The following ADAMTSL1 variants were observed in gnomAD, a reference collection of about 807,000 sequenced individuals.
ADAMTSL1 encodes the protein ADAMTS like 1.
In ADAMTSL1, 126 loss-of-function variants were observed where a neutral mutation model predicts 201.8. The observed-to-expected ratio is 0.62, with a 90% CI of 0.54 to 0.72. The LOEUF is 0.72. Ranked by LOEUF, ADAMTSL1 falls within the 30% of genes least tolerant of loss-of-function variation. The probability of loss-of-function intolerance (pLI) is 0.00; values close to 1 mark genes in which losing one functional copy is unlikely to be tolerated. For synonymous variants in ADAMTSL1, 1,121 were observed against 903.4 expected (o/e 1.24, Z -4.32); for missense variants, 2,679 against 2,277.8 (o/e 1.18, Z -3.59).
At position 18,642,051 on chromosome 9, in the gene ADAMTSL1, G is replaced by T. The variant is rs141725123; in HGVS notation, c.834+2640G>T. 5.3e-5 allele frequency among the ~76,000 whole-genome samples: 8 copies of T among 152,048 alleles called. No individual in the cohort carries two copies. In the East Asian group the frequency reaches 1.4e-3, roughly 26 times the overall value. On this transcript the variant is annotated intron_variant, in intron 7 of 28. Transcript: ENST00000380548. ...AAAATAGCATCATCCTTGAGATGGG[G>T]TCATTACCCTGGTGATCTGGTGGTA...
intron 20 of ADAMTSL1, among the ~76,000 whole-genome samples, chr9:18,812,046 A>G (rs1157138632): frequency 1.3e-5 from 2 of 152,218 alleles, no homozygotes; most frequent in Non-Finnish European, 2.9e-5. Context: ...TACATGTTTA[A>G]TCTAATTCCT....
At chr9:18,601,100 A>G (rs575391898) in intron 4 of ADAMTSL1, among the ~76,000 whole-genome samples, 1 of 152,318 alleles carries the variant, frequency 6.6e-6, no homozygotes, top group Admixed American at 6.5e-5. Flanking sequence ...CTCTGGGAAT[A>G]CATTTCCTAA....
intron 2 of ADAMTSL1, among the ~76,000 whole-genome samples, chr9:18,392,493 A>G (rs1465641040): frequency 6.6e-6 from 1 of 152,208 alleles, no homozygotes; most frequent in Non-Finnish European, 1.5e-5. Context: ...CGTGCTCTGC[A>G]AACCTGCTAC....
At chr9:18,728,524 C>T (rs942562218) in intron 15 of ADAMTSL1, among the ~76,000 whole-genome samples, 2 of 152,052 alleles carry the variant, frequency 1.3e-5, no homozygotes, top group East Asian at 1.9e-4. Flanking sequence ...TTGGTTGTCA[C>T]GGATAACGAG....
At chr9:18,692,539 G>A (rs967715073) in intron 13 of ADAMTSL1, among the ~76,000 whole-genome samples, 3 of 152,130 alleles carry the variant, frequency 2.0e-5, no homozygotes, top group Non-Finnish European at 4.4e-5. Context: ...CCAAAATAAA[G>A]TATGCACCCT....
chr9:18,043,982 G>A (rs548131831), intron 1 of ADAMTSL1, among the ~76,000 whole-genome samples: 9 of 146,352 alleles, frequency 6.1e-5, no homozygotes, highest in African/African-American at 2.3e-4. Flanking sequence ...TCATGGATGC[G>A]TGCCTTCCCA....
At chr9:18,179,959 T>C (rs1457596103) in intron 2 of ADAMTSL1, among the ~76,000 whole-genome samples, 1 of 148,118 alleles carries the variant, frequency 6.8e-6, no homozygotes, top group East Asian at 2.0e-4. Context: ...AGGAAGAAAC[T>C]GCATCAACTA....
At chr9:18,432,258 C>T (rs537730534) in intron 2 of ADAMTSL1, among the ~76,000 whole-genome samples, 2 of 152,262 alleles carry the variant, frequency 1.3e-5, no homozygotes, top group East Asian at 1.9e-4. Context: ...TTTCACATAT[C>T]TCTTTATATT....
chr9:18,310,985 A>C lies in ADAMTSL1; in HGVS notation c.207+147004A>C, dbSNP rs140097555. 1.5e-3 allele frequency among the ~76,000 whole-genome samples: 228 copies of C among 152,282 alleles called. 1 individual carries two copies. In the East Asian group the frequency reaches 0.034, roughly 23 times the overall value. ...CCCATCAGTGATAGACTGGATTAAG[A>C]AAATGTGGCACATATACACCATGGA... is the stretch of plus-strand genomic sequence containing the variant. On this transcript the variant is annotated intron_variant, in intron 2 of 29. Coordinates refer to the ADAMTSL1 transcript ENST00000680146.
At chr9:18,197,868 C>T (rs1244340413) in intron 2 of ADAMTSL1, among the ~76,000 whole-genome samples, 1 of 151,936 alleles carries the variant, frequency 6.6e-6, no homozygotes, top group Non-Finnish European at 1.5e-5. Flanking sequence ...TACTACAAGG[C>T]TACAGTAACG....
At chr9:18,272,651 G>C (rs932850917) in intron 2 of ADAMTSL1, among the ~76,000 whole-genome samples, 3 of 152,180 alleles carry the variant, frequency 2.0e-5, no homozygotes, top group Non-Finnish European at 2.9e-5. Context: ...GGATTTCTAA[G>C]AGAAGGCACA....
intron 1 of ADAMTSL1, among the ~76,000 whole-genome samples, chr9:17,974,729 A>C (rs1818368996): frequency 6.6e-6 from 1 of 152,030 alleles, no homozygotes; most frequent in Non-Finnish European, 1.5e-5. Flanking sequence ...ATGTTTCATG[A>C]TATATATGTG....
At chr9:17,958,410 A>C (rs546000646) in intron 1 of ADAMTSL1, among the ~76,000 whole-genome samples, 1 of 152,312 alleles carries the variant, frequency 6.6e-6, no homozygotes, top group Admixed American at 6.5e-5. Context: ...TATCAAAGGC[A>C]CAAGTTTTGT....
In ADAMTSL1 at chr9:17,984,020, G is replaced by A. The variant is rs577407157; in HGVS notation, c.87+77098G>A. Among the ~76,000 whole-genome samples the A allele has an allele frequency of 5.3e-5, 8 of 152,212 alleles. No homozygotes were observed. The South Asian group carries it at 1.2e-3, about 24-fold the overall frequency. ...ATTTAATAAGAGATTTATAAAATAA[G>A]TTAGATTTAAGGAATGTAAGACTTT... is the stretch of plus-strand genomic sequence containing the variant. On this transcript the variant is annotated intron_variant, in intron 1 of 29. Coordinates refer to the ADAMTSL1 transcript ENST00000680146.
At chr9:18,061,735 C>T (rs115330122) in intron 1 of ADAMTSL1, among the ~76,000 whole-genome samples, 108 of 152,280 alleles carry the variant, frequency 7.1e-4, no homozygotes, top group African/African-American at 2.5e-3. Flanking sequence ...AAACAAGTTC[C>T]ACTTCTCTGT....
intron 23 of ADAMTSL1, among the ~76,000 whole-genome samples, chr9:18,856,487 G>A (rs10963802): frequency 0.27 from 24,207 of 88,306 alleles, 4,830 homozygotes; most frequent in African/African-American, 0.59. Context: ...TTTTTGAGAC[G>A]GAGTCTCGCT....
chr9:18,043,931 A>G (rs1301578820), intron 1 of ADAMTSL1, among the ~76,000 whole-genome samples: 1 of 149,272 alleles, frequency 6.7e-6, no homozygotes, highest in Non-Finnish European at 1.5e-5. Context: ...GGTCCCTTGT[A>G]AAATTTCTAG....
chr9:18,414,982 A>G (rs1278986370), intron 2 of ADAMTSL1, among the ~76,000 whole-genome samples: 2 of 152,196 alleles, frequency 1.3e-5, no homozygotes, highest in African/African-American at 4.8e-5. Flanking sequence ...TGCCTCAATC[A>G]TGGGGAATAA....
intron 2 of ADAMTSL1, among the ~76,000 whole-genome samples, chr9:18,390,536 C>T (rs1007090990): frequency 1.3e-5 from 2 of 152,184 alleles, no homozygotes; most frequent in African/African-American, 4.8e-5. Flanking sequence ...GAGAGGTTTA[C>T]CCCATGGTGA....
Sources: allele counts gnomAD v4.1 joint callset (sites outside exome capture counted in the v4.1 genomes callset), GRCh38; gene constraint gnomAD v4.1.1; transcripts MANE v1.5; gene names NCBI Gene and HGNC (gene_info 2026-07-23, HGNC 2026-07-21).